MED23: variants seen among roughly 807,000 people sequenced by gnomAD.
The protein encoded by MED23 is mediator complex subunit 23.
In MED23, 105 loss-of-function variants were observed where a neutral mutation model predicts 163.9. The ratio of observed to expected loss-of-function variants is 0.64; its 90% CI spans 0.55 to 0.75. The LOEUF (loss-of-function observed/expected upper bound fraction) is 0.75. Among genes scored for constraint, MED23 ranks in the 30% least tolerant of loss-of-function variants. The pLI, the probability that MED23 is intolerant of heterozygous loss-of-function variation, is 0.00. For missense variants in MED23, 1,054 were observed against 1,649.0 expected, an observed-to-expected ratio of 0.64 and a Z score of 6.25; for synonymous variants, 561 against 565.6, an observed-to-expected ratio of 0.99 and a Z score of 0.12.
chr6:131,578,993 G>A, intron 30 of MED23: 2 of 1,211,010 alleles, frequency 1.7e-6, no homozygotes, highest in South Asian at 3.0e-5. Context: ...GACCTTTCAG[G>A]TTTTTCCTTT....
At chr6:131,611,770 A>C (rs62423374) in intron 10 of MED23, among the ~76,000 whole-genome samples, 5 of 152,158 alleles carry the variant, frequency 3.3e-5, no homozygotes, top group Admixed American at 6.5e-5. Context: ...ATTTGCTTCC[A>C]GTTTGGAAAC....
intron 30 of MED23, among the ~76,000 whole-genome samples, chr6:131,578,641 G>T (rs915270424): frequency 6.6e-6 from 1 of 152,080 alleles, no homozygotes; most frequent in African/African-American, 2.4e-5. Context: ...GTGTGTGTGT[G>T]TATCTCCAGA....
chr6:131,603,705 G>A (rs1408443983), intron 15 of MED23, among the ~76,000 whole-genome samples: 3 of 152,072 alleles, frequency 2.0e-5, no homozygotes, highest in Non-Finnish European at 4.4e-5. Context: ...CCATGAATCA[G>A]AAAAACACTT....
At position 131,600,057 on chromosome 6, in the gene MED23, C is replaced by T; in HGVS notation, c.2201G>A (p.Cys734Tyr). 1 of 1,614,024 alleles carries T rather than the reference C, an allele frequency of 6.2e-7. No individual in the cohort carries two copies. Among genetic ancestry groups the T allele is most frequent in the African/African-American group, 1.3e-5 (1 of 75,030 alleles). ...AATTACCTGTAGTGGGCCTGGAAAA[C>T]AGCTCAGGGTGTGTGAAGCCCAATT... The part of the protein sequence containing the change: ...PHNWASHTLS[C>Y]FPGPLQAFFK... Residue 734 changes from cysteine to tyrosine, a missense_variant, in exon 18 of 29, where the codon TGT becomes TAT. By Grantham distance (194) the Cys-to-Tyr change is radical (BLOSUM62 -2). Coordinates refer to ENST00000368068, the MANE Select transcript of MED23 (RefSeq NM_004830.4).
At chr6:131,583,964 C>T, downstream of MED23, 1 of 1,581,128 alleles carries the variant, frequency 6.3e-7, no homozygotes, top group Non-Finnish European at 8.7e-7. Context: ...GAAAGCTAAT[C>T]ATTTTCTTAA....
downstream of MED23, among the ~76,000 whole-genome samples, chr6:131,585,797 T>G (rs577729815): frequency 7.2e-5 from 11 of 152,324 alleles, no homozygotes; most frequent in African/African-American, 2.4e-4. Context: ...AGTTTTTGTC[T>G]TCTATTAGTC....
chr6:131,591,742 G>C (rs559202101), intron 25 of MED23: 50 of 600,940 alleles, frequency 8.3e-5, no homozygotes, highest in Admixed American at 3.8e-4. Context: ...TATCTGTCCA[G>C]CTCATTTAGG....
At chr6:131,588,015 T>C (rs568846412) in intron 28 of MED23, among the ~76,000 whole-genome samples, 169 bp from the exon 29 acceptor site, 2 of 152,340 alleles carry the variant, frequency 1.3e-5, no homozygotes, top group East Asian at 3.9e-4. Flanking sequence ...TACAATGATT[T>C]CTTTCTTGCA....
At chr6:131,627,156 GTT>G in intron 3 of MED23, 5 of 400,722 alleles carry the variant, frequency 1.2e-5, no homozygotes, top group East Asian at 4.1e-5. Flanking sequence ...CATAGGGGAG[GTT>G]TTTTTTTTTA....
rs1775220416 is a variant in MED23 at position 131,598,257 on chromosome 6, G to T, written c.2607+30C>A. On this transcript the variant is annotated intron_variant, in intron 20 of 28. Transcript: ENST00000368068. The surrounding 1 kb of genome is among the most constrained non-coding windows in gnomAD (Gnocchi z 4.7). Reference sequence around the variant, plus strand: ...ATTAGTCATACATCTTGATCTAAGAGAATAAGCTTAGAAATGTATTTATTC... The same window carrying T: ...ATTAGTCATACATCTTGATCTAAGATAATAAGCTTAGAAATGTATTTATTC... The T allele has an allele frequency of 1.3e-6, 2 of 1,587,386 alleles. No homozygotes were observed. Among genetic ancestry groups the T allele is most frequent in the Non-Finnish European group, 1.7e-6 (2 of 1,155,872 alleles).
chr6:131,592,909 G>T, intron 24 of MED23, 97 bp downstream of exon 24: 1 of 1,406,992 alleles, frequency 7.1e-7, no homozygotes, highest in Non-Finnish European at 1.0e-6. Context: ...ATGTGCATCA[G>T]CCTTGCGGCA....
Position 131,596,101 on chromosome 6 carries a change from G to A in MED23, c.2841C>T (p.Ile947=). The A allele has an allele frequency of 1.2e-6, 2 of 1,614,126 alleles. No homozygotes were observed. The highest frequency in any genetic ancestry group is 1.7e-6 in the Non-Finnish European group (2 of 1,180,000). The change falls in exon 22 of 29, where the codon ATC becomes ATT. Residue 947 remains isoleucine (I), a synonymous_variant. Coordinates refer to ENST00000368068, the MANE Select transcript of MED23 (RefSeq NM_004830.4). The part of the protein sequence containing the change: ...LAEQVDPPVQ[I]QSPYLPIYFG... ...AATAGATGGGCAGATAGGGAGACTG[G>A]ATCTGTACAGGAGGATCCACCTGTT...
downstream of MED23, among the ~76,000 whole-genome samples, chr6:131,586,076 G>T (rs747150315): frequency 2.0e-5 from 3 of 152,276 alleles, no homozygotes; most frequent in Non-Finnish European, 2.9e-5. Flanking sequence ...ATAATCTCTA[G>T]CATGTTTTCT....
At chr6:131,576,639 G>C in intron 30 of MED23, 1 of 1,598,920 alleles carries the variant, frequency 6.3e-7, no homozygotes, top group Non-Finnish European at 8.6e-7. Context: ...AATGTCTGAA[G>C]TACTTTATTT....
chr6:131,574,004 C>T (rs2781667), exon 31 of MED23: 175,158 of 469,342 alleles, frequency 0.37, 36,876 homozygotes, highest in African/African-American at 0.71. Context: ...TTTATGAAAC[C>T]CCCAGATTTC....
chr6:131,584,994 G>GAAA (rs59211845), downstream of MED23, among the ~76,000 whole-genome samples: 2 of 94,696 alleles, frequency 2.1e-5, no homozygotes, highest in Non-Finnish European at 4.3e-5. Context: ...ATGAGACCCT[G>GAAA]AAAAAAAAAA....
chr6:131,589,333 CCCA>C (rs1219267787), intron 28 of MED23, 129 bp downstream of exon 28: 2 of 790,458 alleles, frequency 2.5e-6, no homozygotes, highest in East Asian at 5.3e-5. Flanking sequence ...AGGTCTCATA[CCCA>C]CCCTTTTTCC....
intron 11 of MED23, among the ~76,000 whole-genome samples, chr6:131,609,652 C>T (rs1436089331): frequency 6.8e-6 from 1 of 146,950 alleles, no homozygotes; most frequent in Non-Finnish European, 1.5e-5. Flanking sequence ...ATTATAACAA[C>T]TATTAAGATA....
At chr6:131,612,703 A>C (rs1255263937) in intron 10 of MED23, among the ~76,000 whole-genome samples, 2 of 152,124 alleles carry the variant, frequency 1.3e-5, no homozygotes, top group Non-Finnish European at 2.9e-5. Flanking sequence ...AGTAGCCCAA[A>C]CTATACTGAA....
Sources: gnomAD v4.1 joint callset for allele counts (sites outside exome capture counted in the v4.1 genomes callset) on GRCh38, gnomAD v4.1.1 for gene constraint, Gnocchi (gnomAD v3.1) non-coding constraint, MANE v1.5 for transcripts, NCBI Gene and HGNC (gene_info 2026-07-23, HGNC 2026-07-21) for gene names.